Variants in EYS observed in about 807,000 individuals in gnomAD.
EYS encodes the protein EGF-like photoreceptor maintenance factor, also known as protein eyes shut homolog.
A neutral mutation model predicts 282.1 loss-of-function variants in EYS; 250 were observed. The ratio of observed to expected loss-of-function variants is 0.89; its 90% CI spans 0.80 to 0.98. EYS has a LOEUF of 0.98. EYS is among the 50% of genes least tolerant of loss of function. The pLI is 0.00. For missense variants in EYS, 4,016 were observed against 3,709.0 expected (o/e 1.08, Z -2.15); for synonymous variants, 1,355 against 1,282.9 (o/e 1.06, Z -1.20).
chr6:64,766,949 C>T (rs1273212192), intron 22 of EYS, among the ~76,000 whole-genome samples: 3 of 151,338 alleles, frequency 2.0e-5, no homozygotes, highest in Non-Finnish European at 4.4e-5. Context: ...GAAAAGAAGT[C>T]AATTATTTTA....
chr6:64,096,603 A>G (rs937222293), intron 31 of EYS, among the ~76,000 whole-genome samples: 92 of 152,200 alleles, frequency 6.0e-4, no homozygotes, highest in African/African-American at 2.0e-3. Flanking sequence ...CAGCTCCATC[A>G]GGTCCTTTAA....
At chr6:64,697,124 TAA>T (rs1770608348) in intron 22 of EYS, among the ~76,000 whole-genome samples, 1 of 151,842 alleles carries the variant, frequency 6.6e-6, no homozygotes, top group Non-Finnish European at 1.5e-5. Context: ...AGTGTGGATT[TAA>T]AAAAAACATG....
chr6:64,077,174 G>C (rs963626418), intron 32 of EYS, among the ~76,000 whole-genome samples: 1 of 151,916 alleles, frequency 6.6e-6, no homozygotes, highest in Admixed American at 6.6e-5. Flanking sequence ...CCATTAAGGA[G>C]GGATGAAGAT....
chr6:64,649,120 A>AT (rs1224061082), intron 22 of EYS, among the ~76,000 whole-genome samples: 2 of 152,062 alleles, frequency 1.3e-5, no homozygotes, highest in African/African-American at 2.4e-5. Context: ...GTATACAAGC[A>AT]TTTTTTTGCT....
chr6:65,548,822 T>C (rs1342205834), intron 2 of EYS, among the ~76,000 whole-genome samples: 1 of 152,198 alleles, frequency 6.6e-6, no homozygotes, highest in Non-Finnish European at 1.5e-5. Context: ...TCAAACTTGC[T>C]CAAAGACTAA....
chr6:64,150,415 C>T (rs981103008), intron 31 of EYS, among the ~76,000 whole-genome samples: 1 of 152,100 alleles, frequency 6.6e-6, no homozygotes, highest in Admixed American at 6.6e-5. Flanking sequence ...TATGAAATCA[C>T]ACAACAAATA....
chr6:64,363,489 T>C (rs1432952003), intron 29 of EYS, among the ~76,000 whole-genome samples: 1 of 151,904 alleles, frequency 6.6e-6, no homozygotes, highest in East Asian at 1.9e-4. Context: ...AACTGTGACT[T>C]AGACATATTA....
chr6:63,892,390 C>CT (rs1237072557), intron 35 of EYS, among the ~76,000 whole-genome samples: 1 of 152,042 alleles, frequency 6.6e-6, no homozygotes, highest in Non-Finnish European at 1.5e-5. Context: ...ATACATAGAC[C>CT]AATGGAACAG....
At chr6:65,698,276 ATC>A (rs1185761214) in intron 1 of EYS, among the ~76,000 whole-genome samples, 1 of 152,134 alleles carries the variant, frequency 6.6e-6, no homozygotes, top group African/African-American at 2.4e-5. Context: ...GAGAAGCATA[ATC>A]TCTGAATATT....
intron 29 of EYS, among the ~76,000 whole-genome samples, chr6:64,319,465 C>A (rs1770117985): frequency 6.6e-6 from 1 of 151,934 alleles, no homozygotes; most frequent in Non-Finnish European, 1.5e-5. Context: ...AGGAGGAGAA[C>A]AACTGTGAAT....
At chr6:64,743,541 C>A (rs778721473) in intron 22 of EYS, among the ~76,000 whole-genome samples, 15 of 151,988 alleles carry the variant, frequency 9.9e-5, no homozygotes, top group Non-Finnish European at 1.6e-4. Flanking sequence ...ACAGAATGGT[C>A]CATGAAAAGC....
intron 13 of EYS, among the ~76,000 whole-genome samples, chr6:65,045,773 TAG>T (rs1773083240): frequency 6.6e-6 from 1 of 151,864 alleles, no homozygotes; most frequent in Non-Finnish European, 1.5e-5. Flanking sequence ...TTAATTGTCC[TAG>T]AGGGTTTGGC....
intron 8 of EYS, among the ~76,000 whole-genome samples, chr6:65,364,596 A>G (rs4320351): frequency 0.68 from 102,381 of 151,008 alleles, 34,954 homozygotes; most frequent in South Asian, 0.71. Context: ...AGGTAATTTT[A>G]TAATTATTTC....
At chr6:64,712,605 T>C (rs1162508124) in intron 22 of EYS, among the ~76,000 whole-genome samples, 2 of 152,246 alleles carry the variant, frequency 1.3e-5, no homozygotes, top group Non-Finnish European at 2.9e-5. Context: ...CAGTGGAATT[T>C]CTGAATATTG....
At chr6:65,404,327 A>G (rs1270123763) in intron 6 of EYS, among the ~76,000 whole-genome samples, 2 of 152,062 alleles carry the variant, frequency 1.3e-5, no homozygotes, top group Non-Finnish European at 2.9e-5. Flanking sequence ...TCCATCTGCA[A>G]TCTTAATTTC....
At chr6:64,413,592 A>G (rs1021486238) in intron 28 of EYS, among the ~76,000 whole-genome samples, 3 of 151,982 alleles carry the variant, frequency 2.0e-5, no homozygotes, top group African/African-American at 7.2e-5. Flanking sequence ...CTCCCAAAAA[A>G]AAACAGTATC....
intron 26 of EYS, among the ~76,000 whole-genome samples, chr6:64,459,742 ATT>A (rs1775681866): frequency 1.3e-5 from 2 of 152,156 alleles, no homozygotes. Flanking sequence ...CTTCTGCCTG[ATT>A]TATTCTAGCT....
intron 31 of EYS, among the ~76,000 whole-genome samples, chr6:64,193,648 C>T (rs1765186372): frequency 1.3e-5 from 2 of 152,052 alleles, no homozygotes; most frequent in South Asian, 4.2e-4. Flanking sequence ...TATCCCTCCT[C>T]CCTACCCCCA....
chr6:64,019,830 A>T (rs534169083), intron 33 of EYS, among the ~76,000 whole-genome samples: 4 of 137,924 alleles, frequency 2.9e-5, no homozygotes, highest in Non-Finnish European at 3.0e-5. Flanking sequence ...ATAAGTATAT[A>T]TATATATATG....
Sources: allele counts gnomAD v4.1 joint callset (sites outside exome capture counted in the v4.1 genomes callset), GRCh38; gene constraint gnomAD v4.1.1; transcripts MANE v1.5; gene names NCBI Gene and HGNC (gene_info 2026-07-23, HGNC 2026-07-21).